ABR: variants seen among roughly 807,000 people sequenced by gnomAD.
ABR encodes active breakpoint cluster region-related protein.
Under a neutral mutation model 107.2 loss-of-function variants are expected in ABR, and 35 were observed. That is an observed-to-expected ratio of 0.33 (90% CI 0.25 to 0.43). The LOEUF is 0.43. ABR is among the 20% of genes least tolerant of loss of function. The pLI is 1.00. For synonymous variants in ABR, 498 were observed against 462.0 expected (o/e 1.08, Z -1.00); for missense variants, 815 against 1,115.2 (o/e 0.73, Z 3.83).
At position 1,078,082 on chromosome 17, in the gene ABR, C is replaced by T. The variant is rs1451274558; in HGVS notation, c.700+1248G>A. Among the ~76,000 whole-genome samples, 7 of 151,674 alleles carry T rather than the reference C, an allele frequency of 4.6e-5. No individual in the cohort carries two copies. The highest frequency in any genetic ancestry group is 4.2e-4 in the South Asian group (2 of 4,802). On this transcript the variant is annotated intron_variant, in intron 6 of 22. Coordinates refer to ENST00000302538, the MANE Select transcript of ABR (RefSeq NM_021962.5). This position sits in a 1 kb window ranked among gnomAD's most constrained non-coding sequence, Gnocchi z 7.5. ...TGCGGGAGCTGCAAGGAGGATGGTC[C>T]GGGTCCCTTCCACCGAAAGGTGGTG...
chr17:1,093,167 G>A (rs949941605), intron 3 of ABR, among the ~76,000 whole-genome samples: 5 of 150,744 alleles, frequency 3.3e-5, no homozygotes, highest in East Asian at 2.0e-4. Context: ...TGAAGGCCAC[G>A]TGGAAAGAGG....
At chr17:1,026,235 A>T (rs555322360) in intron 16 of ABR, among the ~76,000 whole-genome samples, 1 of 152,362 alleles carries the variant, frequency 6.6e-6, no homozygotes, top group African/African-American at 2.4e-5. Flanking sequence ...TAAGTAGCAG[A>T]CTGAGACGAG....
At position 1,005,598 on chromosome 17, in the gene ABR, C is replaced by T. The variant is rs1000698930; in HGVS notation, c.*482G>A. 6 of 191,954 alleles carry T rather than the reference C, an allele frequency of 3.1e-5. No individual in the cohort carries two copies. The highest frequency in any genetic ancestry group is 1.5e-4 in the East Asian group (1 of 6,832). 11.9% of individuals were successfully genotyped at this position (191,954 alleles called of 1,614,324 possible). On this transcript the variant is annotated 3_prime_UTR_variant, in exon 23 of 23. Coordinates refer to ENST00000302538, the MANE Select transcript of ABR (RefSeq NM_021962.5). ...ATGCAGGCAGGCTGGGAAGGAAGAGCGGGTGGAGGAAGACTGAGGGGAGGC... is the reference window on the plus strand; with the variant it reads ...ATGCAGGCAGGCTGGGAAGGAAGAGTGGGTGGAGGAAGACTGAGGGGAGGC...
chr17:1,006,678 CG>C, intron 22 of ABR, among the ~76,000 whole-genome samples: 1 of 152,298 alleles, frequency 6.6e-6, no homozygotes, highest in Middle Eastern at 3.4e-3. Flanking sequence ...CAGCTTCCCA[CG>C]AGGGAAGAGG....
chr17:1,216,554 T>A (rs1230304964), intron 1 of ABR, among the ~76,000 whole-genome samples: 1 of 152,250 alleles, frequency 6.6e-6, no homozygotes, highest in Non-Finnish European at 1.5e-5. Flanking sequence ...TCTTCCCATC[T>A]TTCAAGAAAA....
At chr17:1,108,894 C>A in intron 2 of ABR, 2 of 1,547,098 alleles carry the variant, frequency 1.3e-6, no homozygotes, top group Admixed American at 2.0e-5. Context: ...GCAGCGCCGG[C>A]CCGGCCCCCC....
chr17:1,014,863 CA>C lies in ABR; in HGVS notation c.1792-1700del, dbSNP rs532500610. On this transcript the variant is annotated intron_variant, in intron 16 of 22. Coordinates refer to ENST00000302538, the MANE Select transcript of ABR (RefSeq NM_021962.5). ...TCCGTCTCAAAAAAAACAACAACAACAAAAAACTACACAAACAAGCTCTTCT... is the reference window on the plus strand; with the variant it reads ...TCCGTCTCAAAAAAAACAACAACAACAAAAACTACACAAACAAGCTCTTCT... Among the ~76,000 whole-genome samples the C allele has an allele frequency of 4.0e-5, 6 of 151,892 alleles. No homozygotes were observed. In the South Asian group the frequency reaches 1.3e-3, roughly 32 times the overall value.
rs977858257 is a variant in ABR at position 1,003,876 on chromosome 17, G to A, written c.*2204C>T. 6.6e-6 allele frequency: 1 copy of A among 152,360 alleles called. No individual in the cohort carries two copies. The highest frequency in any genetic ancestry group is 2.4e-5 in the African/African-American group (1 of 41,444). The allele number at this position is 152,360 out of a possible 1,614,324, so 9.4% of individuals were successfully genotyped here. A position where few individuals can be genotyped will look rare whatever the true frequency, so the allele number is the denominator to read the frequency against. On this transcript the variant is annotated 3_prime_UTR_variant, in exon 23 of 23. Transcript: ENST00000302538. ...GTGACTGGAGGTTTCGGGCTGCATGGTCCCCGGCTCACAGGAGACCCTGCT... is the reference window on the plus strand; with the variant it reads ...GTGACTGGAGGTTTCGGGCTGCATGATCCCCGGCTCACAGGAGACCCTGCT...
chr17:1,183,320 A>G (rs1598081668), upstream of ABR, among the ~76,000 whole-genome samples: 1 of 150,370 alleles, frequency 6.7e-6, no homozygotes, highest in East Asian at 2.0e-4. Context: ...CCCTCCCTCC[A>G]GCCTGTGCAC....
intron 1 of ABR, among the ~76,000 whole-genome samples, chr17:1,132,223 G>A (rs1023885396): frequency 1.4e-4 from 21 of 151,404 alleles, no homozygotes; most frequent in Middle Eastern, 3.4e-3. Flanking sequence ...ACAAAGACAC[G>A]CACACACACA....
intron 2 of ABR, among the ~76,000 whole-genome samples, chr17:1,108,140 C>G (rs1409682243): frequency 6.6e-6 from 1 of 152,254 alleles, no homozygotes; most frequent in South Asian, 2.1e-4. Flanking sequence ...GACACAGAAC[C>G]AGAGAGCAGC....
At chr17:1,105,966 T>C (rs1243036180) in intron 2 of ABR, among the ~76,000 whole-genome samples, 2 of 152,220 alleles carry the variant, frequency 1.3e-5, no homozygotes, top group African/African-American at 2.4e-5. Flanking sequence ...AATAGCACCT[T>C]CTACAACGCC....
intron 16 of ABR, among the ~76,000 whole-genome samples, chr17:1,041,013 T>C (rs543764358): frequency 1.3e-5 from 2 of 152,250 alleles, no homozygotes; most frequent in African/African-American, 4.8e-5. Flanking sequence ...TCCTGGGTCC[T>C]GGTTCACACC....
Position 1,067,213 on chromosome 17 carries a change from T to C in ABR, c.1046A>G (p.Tyr349Cys). The change falls in exon 10 of 23, where the codon TAC (tyrosine) becomes TGC (cysteine). Residue 349 changes from tyrosine (Y) to cysteine (C), a missense_variant. By Grantham distance (194) the Tyr-to-Cys change is radical. This residue lies in a region of ABR where 385 missense variants were observed against 596.9 expected (regional missense o/e 0.64). Transcript: ENST00000302538. ...AAACACCAGGTCGGCCAGGGGGATG[T>C]ACCACTTACAGTCATACTGCTGGTG... ...GKHQQYDCKW[Y>C]IPLADLVFPS... is the part of the protein sequence containing the mutation. 1 of 1,608,660 alleles carries C rather than the reference T, an allele frequency of 6.2e-7. No homozygotes were observed. The highest frequency in any genetic ancestry group is 8.5e-7 in the Non-Finnish European group (1 of 1,177,378).
At chr17:1,057,151 G>A (rs757668554) in intron 12 of ABR, 49 bp from the exon 13 acceptor site, 1 of 1,313,202 alleles carries the variant, frequency 7.6e-7, no homozygotes, top group Admixed American at 1.7e-5. Context: ...GGTCCACCAG[G>A]ACCGGCTGCT....
chr17:1,105,974 G>A (rs575575344), intron 2 of ABR, among the ~76,000 whole-genome samples: 6 of 152,120 alleles, frequency 3.9e-5, no homozygotes, highest in South Asian at 2.1e-4. Flanking sequence ...CTTCTACAAC[G>A]CCCCCGTCAC....
Position 1,037,451 on chromosome 17 carries a change from C to G in ABR, c.1791+12599G>C, listed in dbSNP as rs958035675. ...AAACAGCCCAAGAGCTTGTCTGCTG[C>G]AGGAGAAGTGTCCCGACAGCCCGTC... On this transcript the variant is annotated intron_variant, in intron 16 of 22. Coordinates refer to ENST00000302538, the MANE Select transcript of ABR (RefSeq NM_021962.5). The surrounding 1 kb of genome is among the most constrained non-coding windows in gnomAD (Gnocchi z 4.6). Among the ~76,000 whole-genome samples, 2 of 152,220 alleles carry G rather than the reference C, an allele frequency of 1.3e-5. No homozygotes were observed. The highest frequency in any genetic ancestry group is 4.8e-5 in the African/African-American group (2 of 41,450).
At chr17:1,120,954 G>C (rs1318082859) in intron 2 of ABR, among the ~76,000 whole-genome samples, 1 of 152,170 alleles carries the variant, frequency 6.6e-6, no homozygotes, top group Non-Finnish European at 1.5e-5. Context: ...CGGGTTTTCT[G>C]TAAGACCATG....
In ABR at chr17:1,078,888, T is replaced by C. The variant is rs1284714819; in HGVS notation, c.700+442A>G. 1 of 1,535,256 alleles carries C rather than the reference T, an allele frequency of 6.5e-7. No individual in the cohort carries two copies. The highest frequency in any genetic ancestry group is 8.7e-7 in the Non-Finnish European group (1 of 1,146,646). On this transcript the variant is annotated intron_variant, in intron 6 of 22. Transcript: ENST00000302538. This position sits in a 1 kb window ranked among gnomAD's most constrained non-coding sequence, Gnocchi z 7.5. ...AGCCTCTGTCCCCGCGGCGGGAGCGTGCAGCCATCGCTCCAGGCTCCCCGG... is the reference window on the plus strand; with the variant it reads ...AGCCTCTGTCCCCGCGGCGGGAGCGCGCAGCCATCGCTCCAGGCTCCCCGG...
Sources: gnomAD v4.1 joint callset for allele counts (sites outside exome capture counted in the v4.1 genomes callset) on GRCh38, gnomAD v4.1.1 for gene constraint, gnomAD v4.1.1 regional missense constraint, Gnocchi (gnomAD v3.1) non-coding constraint, MANE v1.5 for transcripts, NCBI Gene and HGNC (gene_info 2026-07-23, HGNC 2026-07-21) for gene names.